The following CCDC171 variants were observed in gnomAD, a reference collection of about 807,000 sequenced individuals.
CCDC171 encodes the protein coiled-coil domain containing 171.
CCDC171 carries 177 observed loss-of-function variants against 168.2 expected under a neutral mutation model. That is an observed-to-expected ratio of 1.05 (90% CI 0.93 to 1.19). CCDC171 has a LOEUF of 1.19. Among genes scored for constraint, CCDC171 ranks in the 50% most tolerant of loss-of-function variants. The pLI, the probability that CCDC171 is intolerant of heterozygous loss-of-function variation, is 0.00. For synonymous variants in CCDC171, 687 were observed against 540.8 expected (o/e 1.27, Z -3.75); for missense variants, 1,991 against 1,539.0 (o/e 1.29, Z -4.91).
At position 15,726,542 on chromosome 9, in the gene CCDC171, G is replaced by C. The variant is rs556583133; in HGVS notation, c.1693-1327G>C. 1.4e-3 allele frequency among the ~76,000 whole-genome samples: 220 copies of C among 152,136 alleles called. 8 individuals are homozygous for C. The South Asian group carries it at 0.044, about 30-fold the overall frequency. On this transcript the variant is annotated intron_variant, in intron 14 of 25. Transcript: ENST00000380701. ...GTCATCATTAACTGCTTATGAAAAG[G>C]TATAGCATATTTGTGAAAAAAATCT...
At chr9:15,587,151 C>T (rs190668037) in intron 4 of CCDC171, among the ~76,000 whole-genome samples, 63 of 152,220 alleles carry the variant, frequency 4.1e-4, no homozygotes, top group African/African-American at 1.5e-3. Flanking sequence ...CAAAAGCTAA[C>T]ACCTGGATTT....
rs1445957295 is a variant in CCDC171 at position 15,904,777 on chromosome 9, A to G, written c.3601-15493A>G. On this transcript the variant is annotated intron_variant, in intron 24 of 25. Transcript: ENST00000380701. ...TCAGTGTGCTGTATTCAGGAAAGCC[A>G]TCTCACGTGCAGAGACACACATAGG... Among the ~76,000 whole-genome samples the G allele has an allele frequency of 3.3e-5, 5 of 152,048 alleles. No homozygotes were observed. The East Asian group carries it at 9.7e-4, about 29-fold the overall frequency.
intron 25 of CCDC171, among the ~76,000 whole-genome samples, chr9:15,932,500 GT>G (rs922532680): frequency 6.6e-6 from 1 of 151,718 alleles, no homozygotes. Flanking sequence ...ACTTGTAAAA[GT>G]TTTTTTGGTG....
Position 15,874,566 on chromosome 9 carries a change from C to T in CCDC171, c.3503C>T (p.Ala1168Val). The T allele has an allele frequency of 6.2e-7, 1 of 1,607,288 alleles. No homozygotes were observed. The highest frequency in any genetic ancestry group is 8.5e-7 in the Non-Finnish European group (1 of 1,176,958). ...CAGATCTCGCTGTCATGGTCTGCGG[C>T]AAGTAGGAATGACTTCACCCTACAG... ...RDQISLSWSA[A>V]SRNDFTLQLP... is the part of the protein sequence containing the mutation. Residue 1168 changes from alanine (A) to valine (V), a missense_variant, in exon 24 of 26, where the codon GCA becomes GTA. Coordinates refer to ENST00000380701, the MANE Select transcript of CCDC171 (RefSeq NM_173550.4).
chr9:15,829,834 C>T (rs2060157902), intron 21 of CCDC171, among the ~76,000 whole-genome samples: 1 of 152,138 alleles, frequency 6.6e-6, no homozygotes, highest in African/African-American at 2.4e-5. Context: ...GCGGGAGGAT[C>T]ACCTGAGTCC....
At chr9:15,888,294 A>G (rs1233920334) in intron 24 of CCDC171, among the ~76,000 whole-genome samples, 1 of 152,156 alleles carries the variant, frequency 6.6e-6, no homozygotes, top group Non-Finnish European at 1.5e-5. Context: ...GAAGCCATAC[A>G]TATATCTTTT....
intron 25 of CCDC171, among the ~76,000 whole-genome samples, chr9:15,955,776 A>G (rs1589241080): frequency 1.3e-5 from 2 of 152,074 alleles, no homozygotes; most frequent in Admixed American, 1.3e-4. Flanking sequence ...GCACTATATT[A>G]TATTACATTT....
chr9:15,851,335 G>A (rs1329172856), intron 23 of CCDC171, among the ~76,000 whole-genome samples: 1 of 151,408 alleles, frequency 6.6e-6, no homozygotes, highest in Non-Finnish European at 1.5e-5. Flanking sequence ...TTTTTTCAAA[G>A]AAATGTAAAT....
intron 21 of CCDC171, among the ~76,000 whole-genome samples, chr9:15,810,780 C>T (rs985580818): frequency 3.1e-4 from 47 of 152,334 alleles, no homozygotes; most frequent in African/African-American, 1.1e-3. Flanking sequence ...CCGCCTGCGC[C>T]TCTCCCTTGA....
intron 24 of CCDC171, among the ~76,000 whole-genome samples, chr9:15,897,571 C>G (rs190791502): frequency 5.8e-4 from 89 of 152,196 alleles, no homozygotes; most frequent in South Asian, 5.6e-3. Context: ...AAACAAAAAT[C>G]TGTAGCTCAG....
At chr9:15,716,733 A>G (rs368313422) in intron 11 of CCDC171, among the ~76,000 whole-genome samples, 19 of 152,296 alleles carry the variant, frequency 1.2e-4, no homozygotes, top group African/African-American at 4.3e-4. Context: ...GTTGGGGAGA[A>G]CTGACTTTTA....
Position 15,926,928 on chromosome 9 carries a change from T to A in CCDC171, c.3753+6506T>A, listed in dbSNP as rs1287514700. On this transcript the variant is annotated intron_variant, in intron 25 of 25. Transcript: ENST00000380701. ...AGTGCTTTTACCATATAATAAGTAC[T>A]GTATTACCATTACTTGTTGTTGTTA... Among the ~76,000 whole-genome samples, 3 of 151,698 alleles carry A rather than the reference T, an allele frequency of 2.0e-5. No individual in the cohort carries two copies. The South Asian group carries it at 6.2e-4, about 31-fold the overall frequency.
intron 3 of CCDC171, among the ~76,000 whole-genome samples, chr9:15,986,320 T>A (rs765919778): frequency 7.9e-5 from 12 of 152,242 alleles, no homozygotes; most frequent in Non-Finnish European, 1.5e-4. Flanking sequence ...CCTGAATTGA[T>A]TCTTCATTGA....
chr9:15,718,593 G>T (rs1174759323), intron 11 of CCDC171, among the ~76,000 whole-genome samples: 1 of 152,242 alleles, frequency 6.6e-6, no homozygotes, highest in Non-Finnish European at 1.5e-5. Context: ...GGGTGCTTGT[G>T]TCACTTCTCC....
At chr9:15,741,234 G>C (rs7036286) in intron 16 of CCDC171, among the ~76,000 whole-genome samples, 150,452 of 152,286 alleles carry the variant, frequency 0.99, 74,343 homozygotes, top group Middle Eastern at 1. Flanking sequence ...TATTTAGCTC[G>C]TGAACTTTTC....
At chr9:15,731,794 A>G (rs1156451575) in intron 16 of CCDC171, among the ~76,000 whole-genome samples, 1 of 151,982 alleles carries the variant, frequency 6.6e-6, no homozygotes, top group Non-Finnish European at 1.5e-5. Context: ...TGCTTGTGTC[A>G]TTTTTTATTC....
chr9:15,576,133 T>TTGTG (rs202239015), intron 3 of CCDC171, among the ~76,000 whole-genome samples: 11,058 of 145,366 alleles, frequency 0.076, 929 homozygotes, highest in African/African-American at 0.21. Flanking sequence ...CATATTTCAG[T>TTGTG]TGTGTGTGTG....
intron 6 of CCDC171, among the ~76,000 whole-genome samples, chr9:15,609,873 A>T (rs1179670111): frequency 6.6e-6 from 1 of 152,012 alleles, no homozygotes; most frequent in East Asian, 1.9e-4. Context: ...CCATCAAGAG[A>T]CCTTCCTGTA....
the CCDC171 span, among the ~76,000 whole-genome samples, chr9:16,103,777 C>T: frequency 6.6e-6 from 1 of 152,172 alleles, no homozygotes. Flanking sequence ...AGTGACCTGA[C>T]AAGCGGCGAG....
Sources: allele counts gnomAD v4.1 joint callset (sites outside exome capture counted in the v4.1 genomes callset), GRCh38; gene constraint gnomAD v4.1.1; transcripts MANE v1.5; gene names NCBI Gene and HGNC (gene_info 2026-07-23, HGNC 2026-07-21).